WASHC4: variants seen among roughly 807,000 people sequenced by gnomAD.
WASHC4 encodes WASH complex subunit 4, also known as WASH complex subunit 7.
A neutral mutation model predicts 166.6 loss-of-function variants in WASHC4; 86 were observed. The ratio of observed to expected loss-of-function variants is 0.52; its 90% CI spans 0.43 to 0.62. The LOEUF (loss-of-function observed/expected upper bound fraction) is 0.62. WASHC4 is among the 20% of genes least tolerant of loss of function. WASHC4 has a pLI of 0.00. For synonymous variants in WASHC4, 446 were observed against 451.6 expected (o/e 0.99, Z 0.16); for missense variants, 1,262 against 1,382.4 (o/e 0.91, Z 1.38).
Position 105,162,768 on chromosome 12 carries a change from A to T in WASHC4, c.3080A>T (p.His1027Leu). Residue 1027 changes from histidine to leucine, a missense_variant, in exon 30 of 33, where the codon CAT (histidine) becomes CTT (leucine). His to Leu is a moderately conservative substitution (Grantham distance 99). Transcript: ENST00000332180. ...VPPLTLNFVE[H>L]SISCKEKLNK... Reference sequence around the variant, plus strand: ...TTTTAGACCCTCAACTTTGTAGAGCATTCCATTAGTTGCAAGGAAAAATTA... The same window carrying T: ...TTTTAGACCCTCAACTTTGTAGAGCTTTCCATTAGTTGCAAGGAAAAATTA... The T allele has an allele frequency of 1.9e-6, 3 of 1,589,458 alleles. No homozygotes were observed. Among genetic ancestry groups the T allele is most frequent in the Middle Eastern group, 1.8e-4 (1 of 5,432 alleles).
At chr12:105,158,897 G>A (rs1379373498) in intron 28 of WASHC4, among the ~76,000 whole-genome samples, 1 of 152,118 alleles carries the variant, frequency 6.6e-6, no homozygotes, top group African/African-American at 2.4e-5. Flanking sequence ...AGGGTATACG[G>A]GTGTTCATTA....
In WASHC4 at chr12:105,152,442, A is replaced by G; in HGVS notation, c.2749A>G (p.Ser917Gly). 1 of 1,554,810 alleles carries G rather than the reference A, an allele frequency of 6.4e-7. No homozygotes were observed. Among genetic ancestry groups the G allele is most frequent in the Non-Finnish European group, 8.9e-7 (1 of 1,126,100 alleles). The change falls in exon 26 of 33, where the codon AGC becomes GGC. Residue 917 changes from serine (S) to glycine (G), a missense_variant. Ser to Gly is a moderately conservative substitution (Grantham distance 56, BLOSUM62 0). Transcript: ENST00000332180. ...CCTTGATCAATTCAGGCAACTCATC[A>G]GCCAGATTGGTAAGTTATGATAAAA... ...SYLDQFRQLISQIGNAMGYVR... is the reference protein window; with the variant it reads ...SYLDQFRQLIGQIGNAMGYVR...
Position 105,149,863 on chromosome 12 carries a change from A to G in WASHC4, c.2649+114A>G, listed in dbSNP as rs7968154. On this transcript the variant is annotated intron_variant, in intron 25 of 32. Transcript: ENST00000332180. Reference sequence around the variant, plus strand: ...TTGGGGTTTTAGTTTTATTTTCCCTATAATTTCTTACTCTGCATTATCTGT... The same window carrying G: ...TTGGGGTTTTAGTTTTATTTTCCCTGTAATTTCTTACTCTGCATTATCTGT... 0.013 allele frequency: 13,524 copies of G among 1,068,684 alleles called. 1,243 individuals carry two copies. The African/African-American group carries it at 0.2, about 16-fold the overall frequency. 66.2% of individuals were successfully genotyped at this position (1,068,684 alleles called of 1,614,324 possible). A position where few individuals can be genotyped will look rare whatever the true frequency, so the allele number is the denominator to read the frequency against.
rs1883842264 is a variant in WASHC4 at position 105,152,426 on chromosome 12, A to G, written c.2733A>G (p.Gln911=). The G allele has an allele frequency of 6.3e-7, 1 of 1,596,178 alleles. No homozygotes were observed. The highest frequency in any genetic ancestry group is 8.6e-7 in the Non-Finnish European group (1 of 1,163,848). ...CTGAGGGACAGAGCTACCTTGATCA[A>G]TTCAGGCAACTCATCAGCCAGATTG... ...VTPEGQSYLD[Q]FRQLISQIGN... is the part of the protein sequence containing the mutation. The change falls in exon 26 of 33, where the codon CAA becomes CAG. Residue 911 remains glutamine (Q), a synonymous_variant. Transcript: ENST00000332180.
At position 105,167,124 on chromosome 12, in the gene WASHC4, ATG is replaced by A; in HGVS notation, c.*194_*195del. On this transcript the variant is annotated 3_prime_UTR_variant, in exon 33 of 33. Transcript: ENST00000332180. ...AAGGCTCTACTTTCAAAGGTTAAGA[ATG>A]AGATTTTAAAATTGGATTTTTGCCT... The A allele has an allele frequency of 1.8e-6, 1 of 549,890 alleles. No individual in the cohort carries two copies. The highest frequency in any genetic ancestry group is 2.3e-5 in the South Asian group (1 of 43,706). 34.1% of individuals were successfully genotyped at this position (549,890 alleles called of 1,614,324 possible). A position where few individuals can be genotyped will look rare whatever the true frequency, so the allele number is the denominator to read the frequency against.
chr12:105,139,033 G>C (rs1196810), intron 15 of WASHC4, among the ~76,000 whole-genome samples: 1 of 151,796 alleles, frequency 6.6e-6, no homozygotes, highest in African/African-American at 2.4e-5. Context: ...TTTTTAGCTT[G>C]CCAAATATGG....
At chr12:105,147,861 C>T (rs977059876) in intron 24 of WASHC4, 24 of 814,646 alleles carry the variant, frequency 2.9e-5, no homozygotes, top group South Asian at 5.6e-5. Flanking sequence ...GCTGAGATTG[C>T]GCCATTGCAC....
intron 2 of WASHC4, among the ~76,000 whole-genome samples, chr12:105,113,271 A>G (rs1432777011): frequency 6.6e-6 from 1 of 152,028 alleles, no homozygotes; most frequent in Non-Finnish European, 1.5e-5. Context: ...CCATTAAGTA[A>G]TACTTGTTGA....
intron 26 of WASHC4, among the ~76,000 whole-genome samples, chr12:105,154,155 T>TTAG (rs1883975382): frequency 6.6e-6 from 1 of 151,818 alleles, no homozygotes; most frequent in South Asian, 2.1e-4. Flanking sequence ...CTCAGCCTCC[T>TTAG]TAGTATATGG....
At chr12:105,118,393 A>T in intron 6 of WASHC4, 53 bp from the exon 7 acceptor site, 5 of 1,240,582 alleles carry the variant, frequency 4.0e-6, no homozygotes, top group Non-Finnish European at 6.0e-6. Context: ...TCAGTAAAAA[A>T]TGGTGAGATT....
intron 26 of WASHC4, chr12:105,155,024 T>C (rs1407445090): frequency 7.0e-6 from 1 of 143,840 alleles, no homozygotes; most frequent in Non-Finnish European, 1.5e-5. Flanking sequence ...GATTATGAAA[T>C]GTTAACTTGT....
rs915975660 is a variant in WASHC4 at position 105,146,669 on chromosome 12, T to C, written c.2409+143T>C. 1.2e-5 allele frequency: 8 copies of C among 642,758 alleles called. No individual in the cohort carries two copies. The Admixed American group carries it at 2.0e-4, about 16-fold the overall frequency. 39.8% of individuals were successfully genotyped at this position (642,758 alleles called of 1,614,324 possible). ...CGAGGCCTTGTTTATTTTTTTGCCTTGATTATACCAGTTGTGTATCTTTTA... is the reference window on the plus strand; with the variant it reads ...CGAGGCCTTGTTTATTTTTTTGCCTCGATTATACCAGTTGTGTATCTTTTA... On this transcript the variant is annotated intron_variant, in intron 23 of 32. Transcript: ENST00000332180.
Position 105,166,876 on chromosome 12 carries a change from C to G in WASHC4, c.3467C>G (p.Thr1156Arg), listed in dbSNP as rs767500247. Residue 1156 changes from threonine (T) to arginine (R), a missense_variant, in exon 33 of 33, where the codon ACA becomes AGA. Physicochemically the swap from Thr to Arg is moderately conservative, Grantham distance 71 (BLOSUM62 -1). Coordinates refer to ENST00000332180, the MANE Select transcript of WASHC4 (RefSeq NM_015275.3). ...CTCATGCTTTCAGAAGAAACTAAAA[C>G]AAGCAATGGAGACCTGTCTGACAGC... ...EKKEKEEETK[T>R]SNGDLSDSTV... The G allele has an allele frequency of 3.7e-6, 6 of 1,603,180 alleles. No individual in the cohort carries two copies. The Admixed American group carries it at 1.0e-4, about 27-fold the overall frequency.
At chr12:105,138,644 G>GTAAATTTTCTCC (rs1053732761) in intron 15 of WASHC4, among the ~76,000 whole-genome samples, 1 of 152,078 alleles carries the variant, frequency 6.6e-6, no homozygotes, top group African/African-American at 2.4e-5. Context: ...AGATTTGCTG[G>GTAAATTTTCTCC]TAAATTTTCT....
intron 6 of WASHC4, among the ~76,000 whole-genome samples, chr12:105,116,286 T>C (rs1880174366): frequency 1.3e-5 from 2 of 152,122 alleles, no homozygotes; most frequent in African/African-American, 4.8e-5. Flanking sequence ...AAAATACCCA[T>C]AGTCCCACCT....
Position 105,129,234 on chromosome 12 carries a change from G to A in WASHC4, c.1199+1945G>A, listed in dbSNP as rs1440036923. ...GCTGGGATTACAGGCGTGAGCCACCGCGCCAACGCCTGGCTAATTTTTGTA... is the reference window on the plus strand; with the variant it reads ...GCTGGGATTACAGGCGTGAGCCACCACGCCAACGCCTGGCTAATTTTTGTA... On this transcript the variant is annotated intron_variant, in intron 13 of 32. Transcript: ENST00000332180. 3.3e-5 allele frequency among the ~76,000 whole-genome samples: 5 copies of A among 151,982 alleles called. No individual in the cohort carries two copies. The East Asian group carries it at 7.8e-4, about 24-fold the overall frequency.
intron 30 of WASHC4, among the ~76,000 whole-genome samples, chr12:105,163,079 C>T (rs575225998): frequency 3.9e-5 from 6 of 152,062 alleles, no homozygotes; most frequent in African/African-American, 9.7e-5. Context: ...GCCTCAGCCT[C>T]CCGAGTAGCT....
intron 1 of WASHC4, 122 bp downstream of exon 1, chr12:105,107,983 A>C (rs1277553398): frequency 1.7e-5 from 13 of 776,644 alleles, no homozygotes; most frequent in Non-Finnish European, 2.6e-5. Context: ...GACACTTCAG[A>C]GCCCTTGGGG....
intron 20 of WASHC4, among the ~76,000 whole-genome samples, chr12:105,144,063 G>A (rs1184239022): frequency 1.3e-5 from 2 of 151,320 alleles, no homozygotes; most frequent in African/African-American, 4.9e-5. Context: ...TATGCTTTAA[G>A]TTGCATATTC....
Sources: gnomAD v4.1 joint callset for allele counts (sites outside exome capture counted in the v4.1 genomes callset) on GRCh38, gnomAD v4.1.1 for gene constraint, MANE v1.5 for transcripts, NCBI Gene and HGNC (gene_info 2026-07-23, HGNC 2026-07-21) for gene names.